TEDC2: variants seen among roughly 807,000 people sequenced by gnomAD.
TEDC2 encodes the protein tubulin epsilon and delta complex 2, also known as tubulin epsilon and delta complex protein 2.
Under a neutral mutation model 48.1 loss-of-function variants are expected in TEDC2, and 49 were observed. That is an observed-to-expected ratio of 1.02 (90% CI 0.81 to 1.29). TEDC2 has a LOEUF of 1.29. TEDC2 is among the 50% of genes most tolerant of loss of function. The probability of loss-of-function intolerance (pLI) is 0.00; values close to 1 mark genes in which losing one functional copy is unlikely to be tolerated. For synonymous variants in TEDC2, 299 were observed against 247.1 expected, an observed-to-expected ratio of 1.21 and a Z score of -1.97; for missense variants, 631 against 571.4, an observed-to-expected ratio of 1.10 and a Z score of -1.06.
intron 9 of TEDC2, 89 bp from the exon 10 acceptor site, chr16:2,464,433 C>T: frequency 2.1e-6 from 3 of 1,417,604 alleles, no homozygotes; most frequent in Non-Finnish European, 2.8e-6. Flanking sequence ...GGGAGGAGGG[C>T]TGAAGCATGG....
At position 2,464,848 on chromosome 16, in the gene TEDC2, T is replaced by C; in HGVS notation, c.*180T>C. The C allele has an allele frequency of 2.4e-6, 2 of 841,120 alleles. No homozygotes were observed. The highest frequency in any genetic ancestry group is 3.6e-6 in the Non-Finnish European group (2 of 558,220). The allele number at this position is 841,120 out of a possible 1,614,324, so 52.1% of individuals were successfully genotyped here. ...TGCTGGTCAGGGCTGGCTTTCAGCCTTCCTAAGGCTCCTGGACTCCAGAGG... is the reference window on the plus strand; with the variant it reads ...TGCTGGTCAGGGCTGGCTTTCAGCCCTCCTAAGGCTCCTGGACTCCAGAGG... On this transcript the variant is annotated 3_prime_UTR_variant, in exon 10 of 10. Transcript: ENST00000361837.
chr16:2,464,161 G>C lies in TEDC2; in HGVS notation c.1087G>C (p.Glu363Gln), dbSNP rs1011321949. The C allele has an allele frequency of 6.8e-6, 11 of 1,612,584 alleles. No individual in the cohort carries two copies. The Admixed American group carries it at 1.2e-4, about 17-fold the overall frequency. ...PQLLVYSSTQ[E>Q]LQTLAALKLR... ...GCTGCTTGTCTACTCCAGCACCCAGGAGCTGCAGACCCTGGCGGCCCTCAA... is the reference window on the plus strand; with the variant it reads ...GCTGCTTGTCTACTCCAGCACCCAGCAGCTGCAGACCCTGGCGGCCCTCAA... The change falls in exon 9 of 10, where the codon GAG becomes CAG. Residue 363 changes from glutamate to glutamine, a missense_variant. Glu to Gln is a conservative substitution (Grantham distance 29). Coordinates refer to ENST00000361837, the MANE Select transcript of TEDC2 (RefSeq NM_025108.3).
chr16:2,460,138 C>A lies in TEDC2; in HGVS notation c.-7C>A, dbSNP rs1596937538. The A allele has an allele frequency of 2.2e-6, 3 of 1,348,478 alleles. No individual in the cohort carries two copies. Among genetic ancestry groups the A allele is most frequent in the Non-Finnish European group, 2.8e-6 (3 of 1,058,776 alleles). The allele number at this position is 1,348,478 out of a possible 1,614,324, so 83.5% of individuals were successfully genotyped here. On this transcript the variant is annotated 5_prime_UTR_variant, in exon 1 of 10. Coordinates refer to ENST00000361837, the MANE Select transcript of TEDC2 (RefSeq NM_025108.3). ...GCGGCAAATTGCAAGGAGACGCCGC[C>A]GCCTTCATGCTGCCGGCGGGCTGCT...
Position 2,462,509 on chromosome 16 carries a change from G to C in TEDC2, c.845G>C (p.Arg282Thr). Residue 282 changes from arginine (R) to threonine (T), a missense_variant, in exon 7 of 10, where the codon AGG (arginine) becomes ACG (threonine). Coordinates refer to ENST00000361837, the MANE Select transcript of TEDC2 (RefSeq NM_025108.3). ...KACSLLRLRM[R>T]EELSAAPMDW... ...TGCTCGCTGCTGAGACTGCGCATGA[G>C]GGAGGAGCTCTCGGCAGGTCAGTGG... 1 of 1,605,184 alleles carries C rather than the reference G, an allele frequency of 6.2e-7. No homozygotes were observed. Among genetic ancestry groups the C allele is most frequent in the African/African-American group, 1.3e-5 (1 of 74,930 alleles).
rs1482335229 is a variant in TEDC2, at chr16:2,464,336, A to G, written c.1155+107A>G. ...CCCCAGGACCCAGGAGGATGGGGGC[A>G]AGCCTGGGGTCTGTGTGTGTGGGTT... On this transcript the variant is annotated intron_variant, in intron 9 of 9. Transcript: ENST00000361837. 3 of 1,420,866 alleles carry G rather than the reference A, an allele frequency of 2.1e-6. No individual in the cohort carries two copies. In the South Asian group the frequency reaches 3.8e-5, roughly 18 times the overall value. The allele number at this position is 1,420,866 out of a possible 1,614,324, so 88.0% of individuals were successfully genotyped here.
Position 2,464,577 on chromosome 16 carries a change from C to T in TEDC2, c.1211C>T (p.Pro404Leu). The part of the protein sequence containing the change: ...LVSAAQPQGP[P>L]WLALCRAVHS... ...AGCGCTGCACAGCCGCAGGGGCCGCCCTGGCTGGCCCTGTGCCGGGCTGTG... is the reference window on the plus strand; with the variant it reads ...AGCGCTGCACAGCCGCAGGGGCCGCTCTGGCTGGCCCTGTGCCGGGCTGTG... The change falls in exon 10 of 10, where the codon CCC (proline) becomes CTC (leucine). Residue 404 changes from proline to leucine, a missense_variant. Transcript: ENST00000361837. 1.9e-6 allele frequency: 3 copies of T among 1,608,326 alleles called. No individual in the cohort carries two copies. The highest frequency in any genetic ancestry group is 1.7e-6 in the Non-Finnish European group (2 of 1,179,560).
intron 5 of TEDC2, 122 bp downstream of exon 5, chr16:2,461,922 T>C (rs1413457164): frequency 7.6e-6 from 10 of 1,323,432 alleles, no homozygotes; most frequent in Non-Finnish European, 1.1e-5. Flanking sequence ...GTGGGATCAC[T>C]GTCGATGTTA....
At chr16:2,461,513 TCTG>T (rs568159500) in intron 4 of TEDC2, 22 of 638,750 alleles carry the variant, frequency 3.4e-5, no homozygotes, top group Non-Finnish European at 5.3e-5. Context: ...GGGCGTGGGA[TCTG>T]CTCACAGGGC....
Position 2,460,845 on chromosome 16 carries a change from GAGTT to G in TEDC2, c.227_230del (p.Glu76GlyfsTer4), listed in dbSNP as rs1273964195. The G allele has an allele frequency of 5.0e-6, 8 of 1,613,254 alleles. No homozygotes were observed. Among genetic ancestry groups the G allele is most frequent in the Non-Finnish European group, 5.1e-6 (6 of 1,179,886 alleles). On this transcript the variant is annotated frameshift_variant, in exon 4 of 10. Transcript: ENST00000361837. LOFTEE classifies it high-confidence loss of function. ...CACACCCAGTCCACAAGACCTCAAA[GAGTT>G]GGAGTTTCTGACCCAGGCACTGGAG...
chr16:2,463,714 G>C lies in TEDC2; in HGVS notation c.965-325G>C, dbSNP rs527259777. Among the ~76,000 whole-genome samples, 8 of 152,044 alleles carry C rather than the reference G, an allele frequency of 5.3e-5. No individual in the cohort carries two copies. The East Asian group carries it at 7.7e-4, about 15-fold the overall frequency. On this transcript the variant is annotated intron_variant, in intron 8 of 9. Transcript: ENST00000361837. ...GGATTGCGTGAGGTGGTTATTTATA[G>C]AACTTGTTTCCTCCTTTGTATTTTC...
chr16:2,464,811 G>C lies in TEDC2; in HGVS notation c.*143G>C. 1.7e-6 allele frequency: 2 copies of C among 1,183,296 alleles called. No homozygotes were observed. The highest frequency in any genetic ancestry group is 2.9e-5 in the South Asian group (2 of 68,102). 73.3% of individuals were successfully genotyped at this position (1,183,296 alleles called of 1,614,324 possible). A position where few individuals can be genotyped will look rare whatever the true frequency, so the allele number is the denominator to read the frequency against. On this transcript the variant is annotated 3_prime_UTR_variant, in exon 10 of 10. Transcript: ENST00000361837. ...AGGTGGCCTCACTGGCTCTTCTCAG[G>C]ACAACTAAGCCTGCTGGTCAGGGCT...
intron 8 of TEDC2, among the ~76,000 whole-genome samples, chr16:2,463,393 A>G (rs939515531): frequency 2.6e-5 from 4 of 152,104 alleles, no homozygotes; most frequent in African/African-American, 9.7e-5. Context: ...TTGGGAGGCC[A>G]AGGCAGGCGG....
chr16:2,460,690 C>T lies in TEDC2; in HGVS notation c.193C>T (p.Pro65Ser). 1 of 1,613,080 alleles carries T rather than the reference C, an allele frequency of 6.2e-7. No individual in the cohort carries two copies. Among genetic ancestry groups the T allele is most frequent in the East Asian group, 2.2e-5 (1 of 44,868 alleles). ...AGAAACTAATGGAGAGGACCCCCTT[C>T]CAGGTAAACCTCCACCACCCGCCTT... ...GPETNGEDPL[P>S]ACTPSPQDLK... The change falls in exon 3 of 10, where the codon CCA becomes TCA. Residue 65 changes from proline to serine, a missense_variant. Physicochemically the swap from Pro to Ser is moderately conservative, Grantham distance 74 (BLOSUM62 -1). Coordinates refer to ENST00000361837, the MANE Select transcript of TEDC2 (RefSeq NM_025108.3).
At position 2,462,250 on chromosome 16, in the gene TEDC2, T is replaced by A; in HGVS notation, c.750+11T>A. On this transcript the variant is annotated intron_variant, in intron 6 of 9. Coordinates refer to ENST00000361837, the MANE Select transcript of TEDC2 (RefSeq NM_025108.3). ...AACATGCAGACAGCTGTATCCTTGC[T>A]GGGCTTGTGGGAGCCCTGGGGGCCT... is the stretch of plus-strand genomic sequence containing the variant. The A allele has an allele frequency of 6.2e-7, 1 of 1,612,902 alleles. No individual in the cohort carries two copies. Among genetic ancestry groups the A allele is most frequent in the Admixed American group, 1.7e-5 (1 of 60,024 alleles).
At position 2,460,688 on chromosome 16, in the gene TEDC2, T is replaced by G; in HGVS notation, c.191T>G (p.Leu64Arg). 1 of 1,613,024 alleles carries G rather than the reference T, an allele frequency of 6.2e-7. No individual in the cohort carries two copies. Among genetic ancestry groups the G allele is most frequent in the Non-Finnish European group, 8.5e-7 (1 of 1,179,988 alleles). Residue 64 changes from leucine (L) to arginine (R), a missense_variant, in exon 3 of 10, where the codon CTT (leucine) becomes CGT (arginine). By Grantham distance (102) the Leu-to-Arg change is moderately radical. Coordinates refer to ENST00000361837, the MANE Select transcript of TEDC2 (RefSeq NM_025108.3). ...CCAGAAACTAATGGAGAGGACCCCCTTCCAGGTAAACCTCCACCACCCGCC... is the reference window on the plus strand; with the variant it reads ...CCAGAAACTAATGGAGAGGACCCCCGTCCAGGTAAACCTCCACCACCCGCC... Reference protein sequence around the residue: ...PGPETNGEDPLPACTPSPQDL... With the variant: ...PGPETNGEDPRPACTPSPQDL...
intron 2 of TEDC2, 109 bp downstream of exon 2, chr16:2,460,490 G>C: frequency 1.3e-6 from 2 of 1,499,938 alleles, no homozygotes; most frequent in Non-Finnish European, 1.8e-6. Flanking sequence ...CGGAGCTGTG[G>C]GTTGTCAGTG....
rs184213185 is a variant in TEDC2, at chr16:2,462,828, C to T, written c.964+96C>T. ...TGTCTGCGCCTCAGGGAAGGGTGAG[C>T]AGCCCAGGGACCAGATGCAAGTTGG... is the stretch of plus-strand genomic sequence containing the variant. On this transcript the variant is annotated intron_variant, in intron 8 of 9. Transcript: ENST00000361837. 538 of 1,196,938 alleles carry T rather than the reference C, an allele frequency of 4.5e-4. 4 individuals are homozygous for T. The African/African-American group carries it at 7.7e-3, about 17-fold the overall frequency. 74.1% of individuals were successfully genotyped at this position (1,196,938 alleles called of 1,614,324 possible).
chr16:2,464,285 G>C (rs149139826), intron 9 of TEDC2, 56 bp downstream of exon 9: 4 of 1,563,174 alleles, frequency 2.6e-6, no homozygotes, highest in Non-Finnish European at 3.5e-6. Flanking sequence ...TTGAGGACCC[G>C]AGGGTAGGGG....
rs1377896148 is a variant in TEDC2, at chr16:2,461,201, A to G, written c.582A>G (p.Glu194=). 4.0e-6 allele frequency: 6 copies of G among 1,493,004 alleles called. No individual in the cohort carries two copies. Among genetic ancestry groups the G allele is most frequent in the Non-Finnish European group, 5.3e-6 (6 of 1,122,070 alleles). 92.5% of individuals were successfully genotyped at this position (1,493,004 alleles called of 1,614,324 possible). ...MAPSAAPQAP[E]AFTLKEKGHL... ...CATCCGCTGCTCCTCAGGCCCCAGA[A>G]GCCTTCACACTCAAGGAGAAGGGGT... The change falls in exon 4 of 10, where the codon GAA becomes GAG. Residue 194 remains glutamate, a synonymous_variant. Transcript: ENST00000361837.
Sources: gnomAD v4.1 joint callset for allele counts (sites outside exome capture counted in the v4.1 genomes callset) on GRCh38, gnomAD v4.1.1 for gene constraint, MANE v1.5 for transcripts, NCBI Gene and HGNC (gene_info 2026-07-23, HGNC 2026-07-21) for gene names.